Variants in BORCS8 observed in about 807,000 individuals in gnomAD.
BORCS8 encodes the protein BLOC-1 related complex subunit 8.
Under a neutral mutation model 18.7 loss-of-function variants are expected in BORCS8, and 13 were observed. The observed-to-expected ratio is 0.70, with a 90% CI of 0.45 to 1.11. The LOEUF is 1.11. Among genes scored for constraint, BORCS8 ranks in the 50% least tolerant of loss-of-function variants. The pLI is 0.00. For synonymous variants in BORCS8, 68 were observed against 64.8 expected (o/e 1.05, Z -0.24); for missense variants, 165 against 165.7 (o/e 1.00, Z 0.02).
intron 1 of BORCS8, among the ~76,000 whole-genome samples, chr19:19,191,709 A>C (rs2060481404): frequency 6.6e-6 from 1 of 151,960 alleles, no homozygotes; most frequent in Non-Finnish European, 1.5e-5. Flanking sequence ...CCGCCCAAGT[A>C]GCTGGGACCA....
At chr19:19,190,992 T>C (rs1187057555) in intron 1 of BORCS8, among the ~76,000 whole-genome samples, 1 of 152,106 alleles carries the variant, frequency 6.6e-6, no homozygotes, top group African/African-American at 2.4e-5. Context: ...TTTGAATCCA[T>C]GTGAATGAAG....
At chr19:19,186,179 C>T (rs1248976678) in intron 2 of BORCS8, 81 bp from the exon 3 acceptor site, 8 of 1,299,296 alleles carry the variant, frequency 6.2e-6, no homozygotes, top group Non-Finnish European at 8.7e-6. Context: ...TTGGTTGGGG[C>T]TCTCCTGAGT....
chr19:19,184,332 G>C lies in BORCS8; in HGVS notation c.216-1649C>G, dbSNP rs1043990233. Reference sequence around the variant, plus strand: ...TTTTTTTTTTTTTTTTTGAGACGGAGTCTCGCTCTGTCGCCCAGGCTGGAG... The same window carrying C: ...TTTTTTTTTTTTTTTTTGAGACGGACTCTCGCTCTGTCGCCCAGGCTGGAG... On this transcript the variant is annotated intron_variant, in intron 3 of 5. Coordinates refer to ENST00000462790, the MANE Select transcript of BORCS8 (RefSeq NM_001145784.2). 3.7e-5 allele frequency among the ~76,000 whole-genome samples: 5 copies of C among 136,434 alleles called. No individual in the cohort carries two copies. The Admixed American group carries it at 3.9e-4, about 11-fold the overall frequency. 89.5% of individuals were successfully genotyped at this position (136,434 alleles called of 152,430 possible).
chr19:19,190,507 G>A (rs1018819903), intron 1 of BORCS8, among the ~76,000 whole-genome samples: 10 of 152,134 alleles, frequency 6.6e-5, no homozygotes, highest in African/African-American at 2.2e-4. Flanking sequence ...TGAGCATAAC[G>A]GCCAGGGGCG....
At chr19:19,181,247 C>T (rs1255672362) in intron 4 of BORCS8, among the ~76,000 whole-genome samples, 1 of 151,584 alleles carries the variant, frequency 6.6e-6, no homozygotes. Flanking sequence ...CACCTGTAAT[C>T]CCAGCACTTT....
In BORCS8 at chr19:19,186,947, C is replaced by G. The variant is rs373318182; in HGVS notation, c.96G>C (p.Leu32=). The G allele has an allele frequency of 5.4e-5, 83 of 1,551,210 alleles. No individual in the cohort carries two copies. The African/African-American group carries it at 1.0e-3, about 19-fold the overall frequency. Residue 32 remains leucine (L), a synonymous_variant, in exon 2 of 6, where the codon CTG becomes CTC. Transcript: ENST00000462790. ...YVLANEPSVA[L]YRLQEHVRRS... Reference sequence around the variant, plus strand: ...GACGCACATGCTCCTGCAGCCGGTACAGGGCCACGGATGGCTCGTTGGCCA... The same window carrying G: ...GACGCACATGCTCCTGCAGCCGGTAGAGGGCCACGGATGGCTCGTTGGCCA...
chr19:19,177,721 A>G (rs1179772295), intron 5 of BORCS8: 3 of 173,024 alleles, frequency 1.7e-5, no homozygotes, highest in Admixed American at 6.7e-5. Flanking sequence ...AAGAAAAGAA[A>G]AGAAAAGAAA....
At chr19:19,184,628 C>T (rs376783677) in intron 3 of BORCS8, among the ~76,000 whole-genome samples, 85 of 152,158 alleles carry the variant, frequency 5.6e-4, no homozygotes, top group African/African-American at 1.9e-3. Context: ...GAGACAGGAT[C>T]TTGTTCTGTT....
chr19:19,187,217 C>A (rs1453405864), intron 1 of BORCS8, among the ~76,000 whole-genome samples: 1 of 152,106 alleles, frequency 6.6e-6, no homozygotes, highest in Non-Finnish European at 1.5e-5. Flanking sequence ...TGGCTCACGC[C>A]TGTAATCCTA....
intron 1 of BORCS8, among the ~76,000 whole-genome samples, chr19:19,189,696 G>C (rs193206720): frequency 6.6e-6 from 1 of 151,968 alleles, no homozygotes; most frequent in African/African-American, 2.4e-5. Context: ...CAGGAGGATG[G>C]ATTCAGCCTA....
chr19:19,180,665 G>A (rs1306906107), intron 5 of BORCS8, 21 bp downstream of exon 5: 9 of 1,489,924 alleles, frequency 6.0e-6, no homozygotes, highest in African/African-American at 1.4e-5. Flanking sequence ...AGAGAGGCTC[G>A]TGGCTACCCT....
chr19:19,177,636 AGAAAGAAG>A (rs1162952711), intron 5 of BORCS8, 176 bp from the exon 6 acceptor site: 44 of 134,508 alleles, frequency 3.3e-4, no homozygotes, highest in African/African-American at 1.2e-3. Flanking sequence ...AAAGAAAGAA[AGAAAGAAG>A]GAAGGAAGGA....
Position 19,177,282 on chromosome 19 carries a change from C to T in BORCS8, c.*221G>A, listed in dbSNP as rs946218166. The T allele has an allele frequency of 6.6e-6, 1 of 151,916 alleles. No individual in the cohort carries two copies. The highest frequency in any genetic ancestry group is 2.4e-5 in the African/African-American group (1 of 41,288). 9.4% of individuals were successfully genotyped at this position (151,916 alleles called of 1,614,324 possible). ...GTTGGGAGGGTAGATCTGCGAATGT[C>T]CAACTCAGCCTGTAGAGAAGGTGCA... On this transcript the variant is annotated 3_prime_UTR_variant, in exon 6 of 6. Coordinates refer to ENST00000462790, the MANE Select transcript of BORCS8 (RefSeq NM_001145784.2).
At chr19:19,189,582 C>T (rs1418653427) in intron 1 of BORCS8, among the ~76,000 whole-genome samples, 1 of 152,160 alleles carries the variant, frequency 6.6e-6, no homozygotes, top group Non-Finnish European at 1.5e-5. Context: ...CTGCCCAGAA[C>T]TTTCTCACTG....
Position 19,186,194 on chromosome 19 carries a change from A to C in BORCS8, c.151-96T>G, listed in dbSNP as rs923342360. ...TTGGTTGGGGCTCTCCTGAGTCCTC[A>C]TGGTGGAAGCAGAGACCTTTCCTCC... is the stretch of plus-strand genomic sequence containing the variant. On this transcript the variant is annotated intron_variant, in intron 2 of 5. Coordinates refer to ENST00000462790, the MANE Select transcript of BORCS8 (RefSeq NM_001145784.2). 2.4e-5 allele frequency: 28 copies of C among 1,181,550 alleles called. No homozygotes were observed. In the African/African-American group the frequency reaches 4.2e-4, roughly 18 times the overall value. 73.2% of individuals were successfully genotyped at this position (1,181,550 alleles called of 1,614,324 possible).
At chr19:19,189,261 G>A (rs994607950) in intron 1 of BORCS8, among the ~76,000 whole-genome samples, 2 of 152,136 alleles carry the variant, frequency 1.3e-5, no homozygotes, top group Non-Finnish European at 2.9e-5. Context: ...AGTCTCACCT[G>A]TTCTATTATA....
At position 19,182,705 on chromosome 19, in the gene BORCS8, G is replaced by GGGTCT; in HGVS notation, c.216-23_216-22insAGACC. 1.3e-6 allele frequency: 2 copies of GGGTCT among 1,545,224 alleles called. No homozygotes were observed. Among genetic ancestry groups the GGGTCT allele is most frequent in the Non-Finnish European group, 1.7e-6 (2 of 1,144,528 alleles). Reference sequence around the variant, plus strand: ...GGCGCTGAAACGGGAGGACAGGCCTGGTCAGCGCTCCGGACCTGCAGGTAA... The same window carrying GGGTCT: ...GGCGCTGAAACGGGAGGACAGGCCTGGGTCTGTCAGCGCTCCGGACCTGCAGGTAA... On this transcript the variant is annotated intron_variant, in intron 3 of 5. Transcript: ENST00000462790. The surrounding 1 kb of genome is among the most constrained non-coding windows in gnomAD (Gnocchi z 4.1).
chr19:19,192,017 C>G, intron 1 of BORCS8, 64 bp downstream of exon 1: 1 of 1,544,526 alleles, frequency 6.5e-7, no homozygotes, highest in Non-Finnish European at 8.8e-7. Flanking sequence ...CGCGCCCGGC[C>G]TTTGTCAGGC....
Position 19,182,251 on chromosome 19 carries a change from T to G in BORCS8, c.326+322A>C, listed in dbSNP as rs543433495. ...ACCTCCTAGGAGGGGCCCCGCAGTG[T>G]TCTTCACAGCGCATCTGACATGCTC... On this transcript the variant is annotated intron_variant, in intron 4 of 5. Transcript: ENST00000462790. This position sits in a 1 kb window ranked among gnomAD's most constrained non-coding sequence, Gnocchi z 4.1. The G allele has an allele frequency of 1.9e-4, 88 of 465,340 alleles. No homozygotes were observed. The highest frequency in any genetic ancestry group is 1.6e-3 in the African/African-American group (78 of 49,604). The allele number at this position is 465,340 out of a possible 1,614,324, so 28.8% of individuals were successfully genotyped here.
Sources: gnomAD v4.1 joint callset for allele counts (sites outside exome capture counted in the v4.1 genomes callset) on GRCh38, gnomAD v4.1.1 for gene constraint, Gnocchi (gnomAD v3.1) non-coding constraint, MANE v1.5 for transcripts, NCBI Gene and HGNC (gene_info 2026-07-23, HGNC 2026-07-21) for gene names.